The following KDR variants were observed in gnomAD, a reference collection of about 807,000 sequenced individuals.
KDR encodes vascular endothelial growth factor receptor 2.
KDR carries 43 observed loss-of-function variants against 160.9 expected under a neutral mutation model. That is an observed-to-expected ratio of 0.27 (90% CI 0.21 to 0.34). The LOEUF (loss-of-function observed/expected upper bound fraction) is 0.34, where lower values mean the gene tolerates loss of function less well. Among genes scored for constraint, KDR ranks in the 10% least tolerant of loss-of-function variants. KDR has a pLI of 1.00. For synonymous variants in KDR, 617 were observed against 600.1 expected (o/e 1.03, Z -0.41); for missense variants, 1,469 against 1,666.4 (o/e 0.88, Z 2.06).
chr4:55,110,104 C>A (rs564439667), intron 9 of KDR, among the ~76,000 whole-genome samples: 1 of 152,290 alleles, frequency 6.6e-6, no homozygotes, highest in African/African-American at 2.4e-5. Context: ...TATAACTTAG[C>A]TTGACAACTG....
At chr4:55,089,279 G>A (rs1719946089) in intron 25 of KDR, 95 bp downstream of exon 25, 3 of 854,340 alleles carry the variant, frequency 3.5e-6, no homozygotes, top group Non-Finnish European at 5.8e-6. Flanking sequence ...ACACTAACTG[G>A]GCAATGAAGA....
At chr4:55,087,181 C>T (rs182889915) in intron 27 of KDR, among the ~76,000 whole-genome samples, 2 of 152,340 alleles carry the variant, frequency 1.3e-5, no homozygotes, top group African/African-American at 4.8e-5. Flanking sequence ...TTTCTGTATC[C>T]TTGCCAGAGA....
chr4:55,100,686 A>T (rs1279548093), intron 15 of KDR, among the ~76,000 whole-genome samples: 1 of 152,220 alleles, frequency 6.6e-6, no homozygotes, highest in Non-Finnish European at 1.5e-5. Flanking sequence ...AAATGCTAAT[A>T]AGCTTATACA....
In KDR at chr4:55,113,443, G is replaced by C; in HGVS notation, c.837C>G (p.Thr279=). The change falls in exon 7 of 30, where the codon ACC becomes ACG. Residue 279 remains threonine (T), a synonymous_variant. Transcript: ENST00000263923. ...ATTTCTTCATCTCACTCCCAGACTG[G>C]GTTTTTAGGTCTCGGTTTACAAGTT... ...HKKLVNRDLK[T]QSGSEMKKFL... is the part of the protein sequence containing the mutation. 1 of 1,613,820 alleles carries C rather than the reference G, an allele frequency of 6.2e-7. No individual in the cohort carries two copies. The highest frequency in any genetic ancestry group is 8.5e-7 in the Non-Finnish European group (1 of 1,179,914).
At chr4:55,122,931 G>C (rs1317599634) in intron 1 of KDR, 1 of 151,938 alleles carries the variant, frequency 6.6e-6, no homozygotes, top group East Asian at 1.9e-4. Context: ...CGTGGAACGG[G>C]GGTTACATTT....
chr4:55,088,038 A>G (rs1332230644), intron 26 of KDR, among the ~76,000 whole-genome samples: 2 of 152,196 alleles, frequency 1.3e-5, no homozygotes, highest in African/African-American at 2.4e-5. Flanking sequence ...CAGAGAGGTA[A>G]CAACAGAACA....
rs150001331 is a variant in KDR at position 55,081,901 on chromosome 4, G to A, written c.3848+55C>T. On this transcript the variant is annotated intron_variant, in intron 29 of 29. Coordinates refer to ENST00000263923, the MANE Select transcript of KDR (RefSeq NM_002253.4). The stretch of plus-strand genomic sequence containing the variant: ...TCTGCACTTACACTGAAAGTCCTAA[G>A]TTCCTTCCAAAAATTCCTATTGAAA... 2.7e-5 allele frequency: 34 copies of A among 1,270,394 alleles called. No homozygotes were observed. The African/African-American group carries it at 4.4e-4, about 16-fold the overall frequency. The allele number at this position is 1,270,394 out of a possible 1,614,324, so 78.7% of individuals were successfully genotyped here.
intron 13 of KDR, among the ~76,000 whole-genome samples, chr4:55,104,091 A>G (rs937690942): frequency 1.3e-5 from 2 of 152,164 alleles, no homozygotes; most frequent in African/African-American, 4.8e-5. Flanking sequence ...GGAGTCTTCT[A>G]GGTCTTAAAC....
At chr4:55,082,221 G>C (rs1719752556) in intron 28 of KDR, among the ~76,000 whole-genome samples, 180 bp from the exon 29 acceptor site, 1 of 152,226 alleles carries the variant, frequency 6.6e-6, no homozygotes, top group South Asian at 2.1e-4. Context: ...CTTCCTATGA[G>C]TAGACACAGG....
intron 9 of KDR, among the ~76,000 whole-genome samples, chr4:55,109,969 G>A (rs1337238488): frequency 2.0e-5 from 3 of 152,158 alleles, no homozygotes; most frequent in Admixed American, 1.3e-4. Context: ...GAGTTGGAAC[G>A]TGCCTGCACA....
chr4:55,125,381 GA>G lies in KDR; in HGVS notation c.-89del. 1 of 1,474,188 alleles carries G rather than the reference GA, an allele frequency of 6.8e-7. No individual in the cohort carries two copies. Among genetic ancestry groups the G allele is most frequent in the Admixed American group, 2.0e-5 (1 of 51,138 alleles). The allele number at this position is 1,474,188 out of a possible 1,614,324, so 91.3% of individuals were successfully genotyped here. ...GTCTAGAGAAGGAGGCGCGGAGGTGGAACTCGCGGCACCCCGCAGCGCAGGA... is the reference window on the plus strand; with the variant it reads ...GTCTAGAGAAGGAGGCGCGGAGGTGGACTCGCGGCACCCCGCAGCGCAGGA... On this transcript the variant is annotated 5_prime_UTR_variant, in exon 1 of 30. It removes the in-frame stop codon of an upstream open reading frame in the 5' UTR. Transcript: ENST00000263923.
At chr4:55,104,525 T>C in intron 13 of KDR, 118 bp downstream of exon 13, 2 of 789,372 alleles carry the variant, frequency 2.5e-6, no homozygotes, top group Admixed American at 2.0e-5. Context: ...TGAAGAAGTG[T>C]GCACCAGTTT....
chr4:55,100,332 T>TA (rs1423323406), intron 15 of KDR, among the ~76,000 whole-genome samples: 2 of 152,198 alleles, frequency 1.3e-5, no homozygotes, highest in Non-Finnish European at 2.9e-5. Flanking sequence ...CACACAGATT[T>TA]AAAAGTCCAG....
At chr4:55,090,393 TGGCC>T (rs1719980036) in intron 22 of KDR, among the ~76,000 whole-genome samples, 2 of 152,214 alleles carry the variant, frequency 1.3e-5, no homozygotes, top group African/African-American at 2.4e-5. Flanking sequence ...TCCTTTTACC[TGGCC>T]CCATATTTGG....
chr4:55,109,572 T>C (rs1161415051), intron 9 of KDR, among the ~76,000 whole-genome samples: 1 of 152,062 alleles, frequency 6.6e-6, no homozygotes, highest in Non-Finnish European at 1.5e-5. Context: ...GAGTGAGAGA[T>C]TAATGAATTT....
intron 10 of KDR, among the ~76,000 whole-genome samples, chr4:55,107,114 A>C (rs1720463663): frequency 2.6e-5 from 4 of 152,212 alleles, no homozygotes. Flanking sequence ...GAAACTTAGA[A>C]GCCACTGGGC....
intron 17 of KDR, 130 bp downstream of exon 17, chr4:55,098,007 T>C: frequency 7.9e-7 from 1 of 1,272,796 alleles, no homozygotes; most frequent in Non-Finnish European, 1.1e-6. Context: ...ATTATACAAA[T>C]TCAAGAAATG....
At chr4:55,084,310 C>T (rs1289990275) in intron 27 of KDR, among the ~76,000 whole-genome samples, 1 of 152,156 alleles carries the variant, frequency 6.6e-6, no homozygotes, top group East Asian at 1.9e-4. Context: ...GAGACAAATA[C>T]TGCACTTCTT....
intron 27 of KDR, among the ~76,000 whole-genome samples, chr4:55,083,519 C>T (rs1019733103): frequency 3.3e-5 from 5 of 152,146 alleles, no homozygotes; most frequent in Non-Finnish European, 5.9e-5. Context: ...AAGAATAAGA[C>T]TTGTTGAACA....
Sources: gnomAD v4.1 joint callset for allele counts (sites outside exome capture counted in the v4.1 genomes callset) on GRCh38, gnomAD v4.1.1 for gene constraint, MANE v1.5 for transcripts, NCBI Gene and HGNC (gene_info 2026-07-23, HGNC 2026-07-21) for gene names.